The following PRKAR1A variants were observed in gnomAD, a reference collection of about 807,000 sequenced individuals.
The protein encoded by PRKAR1A is protein kinase cAMP-dependent type I regulatory subunit alpha.
Under a neutral mutation model 52.0 loss-of-function variants are expected in PRKAR1A, and 3 were observed. The ratio of observed to expected loss-of-function variants is 0.06; its 90% CI spans 0.03 to 0.15. The LOEUF (loss-of-function observed/expected upper bound fraction) is 0.15, where lower values mean the gene tolerates loss of function less well. Ranked by LOEUF, PRKAR1A falls within the 10% of genes least tolerant of loss-of-function variation. The pLI, the probability that PRKAR1A is intolerant of heterozygous loss-of-function variation, is 1.00. For missense variants in PRKAR1A, 240 were observed against 477.4 expected (o/e 0.50, Z 4.63); for synonymous variants, 188 against 168.4 (o/e 1.12, Z -0.90).
chr17:68,420,807 G>C, the PRKAR1A span: 1 of 280,386 alleles, frequency 3.6e-6, no homozygotes, highest in African/African-American at 2.2e-5. Context: ...AAAATGCCTG[G>C]CAAATTACCT....
intron 1 of PRKAR1A, among the ~76,000 whole-genome samples, chr17:68,513,476 G>T (rs1200009057): frequency 1.3e-5 from 2 of 152,196 alleles, no homozygotes; most frequent in East Asian, 3.8e-4. Context: ...TTATTTCCCA[G>T]AATGTAATCC....
intron 7 of PRKAR1A, among the ~76,000 whole-genome samples, 192 bp downstream of exon 7, chr17:68,526,104 A>G (rs186439251): frequency 1.2e-4 from 18 of 152,334 alleles, no homozygotes; most frequent in Non-Finnish European, 2.9e-5. Flanking sequence ...TCATTATGCC[A>G]TTTTAGGCAG....
chr17:68,468,309 A>C, the PRKAR1A span, among the ~76,000 whole-genome samples: 2 of 152,158 alleles, frequency 1.3e-5, no homozygotes, highest in Non-Finnish European at 2.9e-5. Flanking sequence ...AGATTGGGAG[A>C]GAGATCTAGG....
the PRKAR1A span, among the ~76,000 whole-genome samples, chr17:68,435,984 G>A: frequency 6.6e-6 from 1 of 152,216 alleles, no homozygotes; most frequent in Admixed American, 6.5e-5. Flanking sequence ...CGTCGCAGGC[G>A]CGCCCTGCAC....
In PRKAR1A at chr17:68,530,614, G is replaced by A; in HGVS notation, c.*165G>A. The A allele has an allele frequency of 1.3e-6, 2 of 1,531,072 alleles. No individual in the cohort carries two copies. Among genetic ancestry groups the A allele is most frequent in the Middle Eastern group, 1.7e-4 (1 of 5,816 alleles). 94.8% of individuals were successfully genotyped at this position (1,531,072 alleles called of 1,614,324 possible). ...TTTATTGCACCATTTTCAATTTGGA[G>A]CATTAACTAAATGCTCATACACAGT... On this transcript the variant is annotated 3_prime_UTR_variant, in exon 11 of 11. Coordinates refer to ENST00000589228, the MANE Select transcript of PRKAR1A (RefSeq NM_002734.5).
the PRKAR1A span, chr17:68,413,744 T>C: frequency 1.6e-3 from 257 of 159,806 alleles, 2 homozygotes; most frequent in African/African-American, 5.7e-3. Context: ...GATCTCAGAC[T>C]GCTGTGCTAG....
chr17:68,543,478 G>T, intron 11 of PRKAR1A: 1 of 666,696 alleles, frequency 1.5e-6, no homozygotes. Context: ...GGGACATTTT[G>T]AGTTCAAAGA....
chr17:68,449,649 G>A, the PRKAR1A span, among the ~76,000 whole-genome samples: 2 of 152,168 alleles, frequency 1.3e-5, no homozygotes, highest in African/African-American at 2.4e-5. Context: ...CTCCTGCCAC[G>A]TAAGACGCCT....
intron 11 of PRKAR1A, chr17:68,542,790 C>T (rs1406824975): frequency 6.2e-7 from 1 of 1,613,952 alleles, no homozygotes; most frequent in Non-Finnish European, 8.5e-7. Flanking sequence ...GTTGGCGGCA[C>T]CCGTCGGAAG....
intron 6 of PRKAR1A, among the ~76,000 whole-genome samples, chr17:68,525,466 C>CGA (rs1568698061): frequency 6.6e-6 from 1 of 152,198 alleles, no homozygotes; most frequent in Admixed American, 6.5e-5. Context: ...GCACGGTTCT[C>CGA]TAAGTATCTG....
At chr17:68,478,225 G>A in the PRKAR1A span, among the ~76,000 whole-genome samples, 4 of 152,136 alleles carry the variant, frequency 2.6e-5, no homozygotes, top group Admixed American at 6.5e-5. Context: ...GGGCCGAGGG[G>A]GGTGGATCAT....
chr17:68,472,658 T>A, the PRKAR1A span, among the ~76,000 whole-genome samples: 1 of 152,170 alleles, frequency 6.6e-6, no homozygotes, highest in Non-Finnish European at 1.5e-5. Flanking sequence ...CATCATTTTA[T>A]GTAATGGCTG....
At chr17:68,434,856 G>A in the PRKAR1A span, among the ~76,000 whole-genome samples, 39 of 150,794 alleles carry the variant, frequency 2.6e-4, no homozygotes, top group South Asian at 8.3e-4. Context: ...AAGGCTCTGC[G>A]TGTATGTGTG....
chr17:68,526,915 A>G (rs1045598780), intron 7 of PRKAR1A, among the ~76,000 whole-genome samples: 10 of 152,100 alleles, frequency 6.6e-5, no homozygotes, highest in Non-Finnish European at 1.2e-4. Flanking sequence ...TGAACCTTAA[A>G]CCCACACACA....
the PRKAR1A span, among the ~76,000 whole-genome samples, chr17:68,426,892 A>G: frequency 6.6e-6 from 1 of 152,224 alleles, no homozygotes; most frequent in Non-Finnish European, 1.5e-5. Flanking sequence ...AAAAGACCGT[A>G]TCGTGTGATG....
the PRKAR1A span, among the ~76,000 whole-genome samples, chr17:68,466,839 G>T: frequency 2.0e-5 from 3 of 152,124 alleles, no homozygotes; most frequent in East Asian, 5.8e-4. Flanking sequence ...TCACAAGGTT[G>T]TGCATCCACC....
chr17:68,450,985 C>A, the PRKAR1A span: 1 of 1,503,436 alleles, frequency 6.7e-7, no homozygotes, highest in East Asian at 2.4e-5. Flanking sequence ...CGGCGCAGGC[C>A]AGGTTCCAAA....
At chr17:68,495,919 T>C in the PRKAR1A span, among the ~76,000 whole-genome samples, 1 of 143,080 alleles carries the variant, frequency 7.0e-6, no homozygotes, top group Non-Finnish European at 1.5e-5. Flanking sequence ...TGGCTCCTGG[T>C]CCCTCTCTGC....
the PRKAR1A span, among the ~76,000 whole-genome samples, chr17:68,479,766 C>T: frequency 6.6e-6 from 1 of 152,040 alleles, no homozygotes; most frequent in African/African-American, 2.4e-5. Context: ...GAAGAAATAC[C>T]CAAGACTGGG....
Sources: allele counts gnomAD v4.1 joint callset (sites outside exome capture counted in the v4.1 genomes callset), GRCh38; gene constraint gnomAD v4.1.1; transcripts MANE v1.5; gene names NCBI Gene and HGNC (gene_info 2026-07-23, HGNC 2026-07-21).